The following ODAD2 variants were observed in gnomAD, a reference collection of about 807,000 sequenced individuals.
ODAD2 encodes outer dynein arm-docking complex subunit 2.
Under a neutral mutation model 106.8 loss-of-function variants are expected in ODAD2, and 89 were observed. The observed-to-expected ratio is 0.83, with a 90% CI of 0.70 to 0.99. The LOEUF (loss-of-function observed/expected upper bound fraction) is 0.99, where lower values mean the gene tolerates loss of function less well. Among genes scored for constraint, ODAD2 ranks in the 50% least tolerant of loss-of-function variants. The pLI is 0.00. For missense variants in ODAD2, 1,168 were observed against 1,238.5 expected (o/e 0.94, Z 0.85); for synonymous variants, 404 against 436.2 (o/e 0.93, Z 0.92).
Position 27,936,737 on chromosome 10 carries a change from C to T in ODAD2, c.2241G>A (p.Glu747=), listed in dbSNP as rs189769716. ...GAIWKCSISK[E]NVTKFREYKA... ...GAGCCTTCTCTTACTTGGTAACATT[C>T]TCTTTGCTGATGGAACATTTCCATA... Residue 747 remains glutamate, a synonymous_variant, in exon 15 of 20, where the codon GAG becomes GAA. Transcript: ENST00000305242. 33 of 1,613,978 alleles carry T rather than the reference C, an allele frequency of 2.0e-5. No individual in the cohort carries two copies. The highest frequency in any genetic ancestry group is 2.8e-5 in the Non-Finnish European group (33 of 1,179,912).
chr10:27,817,805 C>T (rs1489915799), intron 19 of ODAD2, among the ~76,000 whole-genome samples: 1 of 152,014 alleles, frequency 6.6e-6, no homozygotes, highest in Non-Finnish European at 1.5e-5. Context: ...CATACAAGTG[C>T]AGGTATGTTT....
intron 17 of ODAD2, among the ~76,000 whole-genome samples, chr10:27,902,335 A>C (rs912061932): frequency 2.0e-5 from 3 of 152,190 alleles, no homozygotes; most frequent in Non-Finnish European, 4.4e-5. Context: ...ATAGCACTAA[A>C]TGCCCACAAG....
At chr10:27,891,654 G>A (rs1416672575) in intron 17 of ODAD2, among the ~76,000 whole-genome samples, 2 of 151,096 alleles carry the variant, frequency 1.3e-5, no homozygotes, top group African/African-American at 4.9e-5. Flanking sequence ...TGCAAATATA[G>A]TTGAACATCT....
intron 8 of ODAD2, among the ~76,000 whole-genome samples, chr10:27,970,134 A>AAATAAATGAATG (rs78642722): frequency 4.8e-5 from 7 of 147,260 alleles, no homozygotes; most frequent in Non-Finnish European, 1.5e-5. Flanking sequence ...ATAAATAAAT[A>AAATAAATGAATG]AATAAATAAA....
At chr10:27,854,766 TAAACA>T (rs796516555) in intron 19 of ODAD2, among the ~76,000 whole-genome samples, 6 of 151,478 alleles carry the variant, frequency 4.0e-5, no homozygotes, top group African/African-American at 7.3e-5. Flanking sequence ...AAAACAAAAC[TAAACA>T]AAACAAAAAA....
intron 6 of ODAD2, among the ~76,000 whole-genome samples, chr10:27,982,344 T>C (rs541488580): frequency 6.6e-6 from 1 of 152,290 alleles, no homozygotes; most frequent in Admixed American, 6.5e-5. Context: ...TTTTTAAAAC[T>C]TAAAGGGATA....
intron 16 of ODAD2, among the ~76,000 whole-genome samples, chr10:27,915,213 GA>G (rs1443767627): frequency 3.3e-5 from 5 of 151,894 alleles, no homozygotes; most frequent in South Asian, 2.1e-4. Flanking sequence ...AGCAACCAAA[GA>G]AAAAAAATGC....
upstream of ODAD2, among the ~76,000 whole-genome samples, chr10:27,999,361 G>A (rs1460295068): frequency 1.3e-5 from 2 of 152,212 alleles, no homozygotes; most frequent in East Asian, 3.9e-4. Flanking sequence ...CCAGACAAGT[G>A]CGTTGTATGT....
intron 16 of ODAD2, among the ~76,000 whole-genome samples, chr10:27,929,130 T>C (rs184461894): frequency 9.2e-5 from 14 of 152,154 alleles, no homozygotes; most frequent in African/African-American, 2.9e-4. Context: ...TACAGAAAAA[T>C]ACAAAGCATT....
At chr10:27,839,345 C>T (rs1838141795) in intron 19 of ODAD2, among the ~76,000 whole-genome samples, 2 of 152,286 alleles carry the variant, frequency 1.3e-5, no homozygotes, top group Admixed American at 6.5e-5. Context: ...AAGAGAGGCT[C>T]ACACCTGATA....
chr10:27,839,536 T>C (rs1044228887), intron 19 of ODAD2, among the ~76,000 whole-genome samples: 26 of 152,248 alleles, frequency 1.7e-4, no homozygotes, highest in Non-Finnish European at 3.5e-4. Context: ...ACCGTATAGC[T>C]GACAGTGACT....
chr10:27,882,766 T>G (rs752067812), intron 17 of ODAD2, among the ~76,000 whole-genome samples: 3 of 152,108 alleles, frequency 2.0e-5, no homozygotes, highest in Non-Finnish European at 4.4e-5. Flanking sequence ...CAGAATAGGT[T>G]TGGAGCCCCA....
At chr10:27,928,425 T>A (rs1374100861) in intron 16 of ODAD2, among the ~76,000 whole-genome samples, 1 of 152,114 alleles carries the variant, frequency 6.6e-6, no homozygotes. Context: ...CCTATGATGA[T>A]CCCCTAACAA....
intron 17 of ODAD2, among the ~76,000 whole-genome samples, chr10:27,875,405 C>T (rs1159777022): frequency 2.0e-5 from 3 of 152,072 alleles, no homozygotes; most frequent in Non-Finnish European, 2.9e-5. Flanking sequence ...AGAGGAGCTG[C>T]GTTCCTTTGG....
At chr10:27,831,575 C>T (rs1418075108) in intron 19 of ODAD2, among the ~76,000 whole-genome samples, 1 of 152,172 alleles carries the variant, frequency 6.6e-6, no homozygotes, top group African/African-American at 2.4e-5. Flanking sequence ...AGCAACTTGC[C>T]CAAAGTTGCA....
At chr10:27,922,725 T>A (rs2133975716) in intron 16 of ODAD2, among the ~76,000 whole-genome samples, 1 of 151,822 alleles carries the variant, frequency 6.6e-6, no homozygotes, top group Middle Eastern at 3.4e-3. Context: ...GGTCAAAATG[T>A]TGAAACCCTG....
At chr10:27,900,836 G>C (rs923680240) in intron 17 of ODAD2, among the ~76,000 whole-genome samples, 5 of 152,162 alleles carry the variant, frequency 3.3e-5, no homozygotes, top group Non-Finnish European at 7.3e-5. Context: ...ACCTACTTTT[G>C]ATTGGTGTAC....
intron 16 of ODAD2, among the ~76,000 whole-genome samples, chr10:27,915,492 C>T (rs1214945745): frequency 6.6e-6 from 1 of 152,116 alleles, no homozygotes; most frequent in Non-Finnish European, 1.5e-5. Flanking sequence ...CCCTCACGTC[C>T]TAATCACTTC....
chr10:27,897,989 A>C (rs995620823), intron 17 of ODAD2, among the ~76,000 whole-genome samples: 1 of 152,166 alleles, frequency 6.6e-6, no homozygotes, highest in African/African-American at 2.4e-5. Context: ...AGAATAATGA[A>C]TATGAAAATA....
Sources: gnomAD v4.1 joint callset for allele counts (sites outside exome capture counted in the v4.1 genomes callset) on GRCh38, gnomAD v4.1.1 for gene constraint, MANE v1.5 for transcripts, NCBI Gene and HGNC (gene_info 2026-07-23, HGNC 2026-07-21) for gene names.